Variants in C4BPB observed in about 807,000 individuals in gnomAD.
C4BPB encodes the protein complement component 4 binding protein beta, also known as C4b-binding protein beta chain.
A neutral mutation model predicts 26.6 loss-of-function variants in C4BPB; 19 were observed. The observed-to-expected ratio is 0.71, with a 90% confidence interval of 0.50 to 1.05. The LOEUF is 1.05. C4BPB is among the 50% of genes least tolerant of loss of function. C4BPB has a pLI of 0.00. For synonymous variants in C4BPB, 118 were observed against 103.5 expected, an observed-to-expected ratio of 1.14 and a Z score of -0.85; for missense variants, 282 against 302.9, an observed-to-expected ratio of 0.93 and a Z score of 0.51.
Position 207,096,538 on chromosome 1 carries a change from TG to T in C4BPB, c.429del (p.Asn144IlefsTer14). On this transcript the variant is annotated frameshift_variant, in exon 5 of 7. Transcript: ENST00000367078. LOFTEE classifies it high-confidence loss of function. ...ICKSRDCDPP[G>X]NPVHGYFEGN... ...TTCTCTCAGGGGACTGTGACCCTCC[TG>T]GGAATCCAGTTCATGGCTATTTTGA... 6.2e-7 allele frequency: 1 copy of T among 1,607,382 alleles called. No homozygotes were observed. Among genetic ancestry groups the T allele is most frequent in the Non-Finnish European group, 8.5e-7 (1 of 1,174,422 alleles).
chr1:207,098,000 C>T (rs1378011282), intron 5 of C4BPB, 150 bp from the exon 6 acceptor site: 4 of 635,680 alleles, frequency 6.3e-6, no homozygotes, highest in Non-Finnish European at 8.3e-6. Context: ...CTTTGTAATA[C>T]CGAGATAACT....
At chr1:207,092,911 C>T (rs1170639374) in intron 4 of C4BPB, among the ~76,000 whole-genome samples, 3 of 152,074 alleles carry the variant, frequency 2.0e-5, no homozygotes, top group Non-Finnish European at 4.4e-5. Flanking sequence ...AGGCGTGAGC[C>T]ACCGCACCAG....
intron 6 of C4BPB, among the ~76,000 whole-genome samples, chr1:207,099,488 G>A (rs568576188): frequency 4.6e-5 from 7 of 152,188 alleles, no homozygotes; most frequent in Non-Finnish European, 7.3e-5. Context: ...AGCACAATGC[G>A]TGAGAATTGG....
In C4BPB at chr1:207,098,247, G is replaced by C. The variant is rs779242216; in HGVS notation, c.601G>C (p.Glu201Gln). Residue 201 changes from glutamate to glutamine, a missense_variant, in exon 6 of 7, where the codon GAG becomes CAG. Transcript: ENST00000367078. ...GTTGATCCAGGAAGCTCCCAAACCAGAGTGTGAGAAGGCACTTGTAAGTAG... is the reference window on the plus strand; with the variant it reads ...GTTGATCCAGGAAGCTCCCAAACCACAGTGTGAGAAGGCACTTGTAAGTAG... ...CKLIQEAPKPECEKALLAFQE... is the reference protein window; with the variant it reads ...CKLIQEAPKPQCEKALLAFQE... 6.2e-7 allele frequency: 1 copy of C among 1,611,310 alleles called. No individual in the cohort carries two copies. The highest frequency in any genetic ancestry group is 1.1e-5 in the South Asian group (1 of 91,012).
At position 207,099,863 on chromosome 1, in the gene C4BPB, G is replaced by T. The variant is rs1414788881; in HGVS notation, c.693G>T (p.Met231Ile). The change falls in exon 7 of 7, where the codon ATG (methionine) becomes ATT (isoleucine). Residue 231 changes from methionine (M) to isoleucine (I), a missense_variant. By Grantham distance (10) the Met-to-Ile change is conservative. Coordinates refer to ENST00000367078, the MANE Select transcript of C4BPB (RefSeq NM_001017365.3). ...TGCAACAATTAAAGGAAAGTGGCAT[G>T]ACAATGGAGGAGCTAAAATATTCTC... ...NFMQQLKESG[M>I]TMEELKYSLE... The T allele has an allele frequency of 6.2e-7, 1 of 1,613,980 alleles. No individual in the cohort carries two copies. The highest frequency in any genetic ancestry group is 1.7e-5 in the Admixed American group (1 of 60,012).
chr1:207,090,882 C>G (rs908314938), intron 3 of C4BPB, among the ~76,000 whole-genome samples: 2 of 152,164 alleles, frequency 1.3e-5, no homozygotes, highest in African/African-American at 4.8e-5. Flanking sequence ...ATTATCCACA[C>G]ATGATAATCT....
intron 2 of C4BPB, among the ~76,000 whole-genome samples, chr1:207,090,095 C>G (rs1683962760): frequency 6.6e-6 from 1 of 152,178 alleles, no homozygotes; most frequent in South Asian, 2.1e-4. Flanking sequence ...GACAGTGAAA[C>G]CCCGTCTCTG....
intron 5 of C4BPB, 71 bp downstream of exon 5, chr1:207,096,686 C>T: frequency 1.3e-6 from 1 of 794,142 alleles, no homozygotes; most frequent in Non-Finnish European, 2.1e-6. Flanking sequence ...ATAACCCAGT[C>T]TGTGTCCACC....
In C4BPB at chr1:207,089,535, T is replaced by G. The variant is rs774906117; in HGVS notation, c.4T>G (p.Phe2Val). The G allele has an allele frequency of 1.2e-6, 2 of 1,613,292 alleles. No homozygotes were observed. The highest frequency in any genetic ancestry group is 2.2e-5 in the South Asian group (2 of 91,036). Residue 2 changes from phenylalanine (F) to valine (V), a missense_variant, in exon 2 of 7, where the codon TTT becomes GTT. Coordinates refer to ENST00000367078, the MANE Select transcript of C4BPB (RefSeq NM_001017365.3). M[F>V]FWCACCLMVA... ...GGGAGAGGACTTTGATCACCAGATG[T>G]TTTTTTGGTGTGCGTGCTGTCTTAT...
In C4BPB at chr1:207,091,965, G is replaced by A. The variant is rs1367368082; in HGVS notation, c.409+145G>A. The stretch of plus-strand genomic sequence containing the variant: ...CTAGCAGACAGCCATGAAACAAGTG[G>A]AGCTCACAGAACCAAATCTCACCTC... On this transcript the variant is annotated intron_variant, in intron 4 of 6. Coordinates refer to ENST00000367078, the MANE Select transcript of C4BPB (RefSeq NM_001017365.3). The A allele has an allele frequency of 9.1e-6, 6 of 659,350 alleles. No homozygotes were observed. The African/African-American group carries it at 1.1e-4, about 12-fold the overall frequency. The allele number at this position is 659,350 out of a possible 1,614,324, so 40.8% of individuals were successfully genotyped here. A position where few individuals can be genotyped will look rare whatever the true frequency, so the allele number is the denominator to read the frequency against.
intron 1 of C4BPB, 128 bp from the exon 2 acceptor site, chr1:207,089,354 T>C (rs921744442): frequency 2.3e-5 from 13 of 574,372 alleles, no homozygotes; most frequent in African/African-American, 1.9e-4. Flanking sequence ...CTGTTCTGAT[T>C]TCCTGTCGTA....
In C4BPB at chr1:207,099,779, C is replaced by T; in HGVS notation, c.619-10C>T. ...TATGTTGTAACTTGTGAAAAATTTT[C>T]TTTCTTCAGCTTGCCTTTCAGGAGA... On this transcript the variant is annotated splice_polypyrimidine_tract_variant and intron_variant, in intron 6 of 6. Transcript: ENST00000367078. The T allele has an allele frequency of 6.2e-7, 1 of 1,606,468 alleles. No individual in the cohort carries two copies. Among genetic ancestry groups the T allele is most frequent in the Non-Finnish European group, 8.5e-7 (1 of 1,177,500 alleles).
rs769891447 is a variant in C4BPB at position 207,096,540 on chromosome 1, G to T, written c.428G>T (p.Gly143Val). Residue 143 changes from glycine to valine, a missense_variant, in exon 5 of 7, where the codon GGG becomes GTG. Physicochemically the swap from Gly to Val is moderately radical, Grantham distance 109. Transcript: ENST00000367078. ...ICKSRDCDPP[G>V]NPVHGYFEGN... is the part of the protein sequence containing the mutation. ...CTCTCAGGGGACTGTGACCCTCCTG[G>T]GAATCCAGTTCATGGCTATTTTGAA... 3 of 1,607,692 alleles carry T rather than the reference G, an allele frequency of 1.9e-6. No individual in the cohort carries two copies. Among genetic ancestry groups the T allele is most frequent in the Non-Finnish European group, 2.6e-6 (3 of 1,174,746 alleles).
intron 5 of C4BPB, chr1:207,097,940 A>G (rs1251283195): frequency 2.5e-5 from 12 of 481,060 alleles, no homozygotes; most frequent in Non-Finnish European, 4.1e-5. Context: ...GGGTTGACTC[A>G]TCACTTGGGT....
Position 207,098,914 on chromosome 1 carries a change from C to A in C4BPB, c.618+650C>A, listed in dbSNP as rs114436191. On this transcript the variant is annotated intron_variant, in intron 6 of 6. Coordinates refer to ENST00000367078, the MANE Select transcript of C4BPB (RefSeq NM_001017365.3). ...GACAGATCATCACACATTAGAATCT[C>A]ATCTGGGAATGATGAGAGACAGTGA... 8.5e-3 allele frequency among the ~76,000 whole-genome samples: 1,288 copies of A among 151,872 alleles called. 9 individuals are homozygous for A. The highest frequency in any genetic ancestry group is 0.022 in the African/African-American group (915 of 41,364).
At chr1:207,093,434 A>G (rs1684121995) in intron 4 of C4BPB, among the ~76,000 whole-genome samples, 1 of 152,220 alleles carries the variant, frequency 6.6e-6, no homozygotes. Context: ...TGAGCACAAT[A>G]TGGCAAACTG....
chr1:207,097,540 T>TAA (rs36078505), intron 5 of C4BPB, among the ~76,000 whole-genome samples: 37,676 of 115,616 alleles, frequency 0.33, 6,750 homozygotes, highest in Middle Eastern at 0.51. Context: ...TATGTTTTTC[T>TAA]AAAAAAAAAA....
chr1:207,097,821 A>C (rs1489331152), intron 5 of C4BPB: 2 of 192,128 alleles, frequency 1.0e-5, no homozygotes, highest in African/African-American at 4.7e-5. Context: ...CTTAGATGCC[A>C]GATGCCTTTT....
At chr1:207,095,488 T>G (rs1366850638) in intron 4 of C4BPB, 1 of 445,362 alleles carries the variant, frequency 2.2e-6, no homozygotes, top group East Asian at 7.1e-5. Flanking sequence ...GCACCCACGC[T>G]GGGCTAATTT....
Sources: gnomAD v4.1 joint callset for allele counts (sites outside exome capture counted in the v4.1 genomes callset) on GRCh38, gnomAD v4.1.1 for gene constraint, MANE v1.5 for transcripts, NCBI Gene and HGNC (gene_info 2026-07-23, HGNC 2026-07-21) for gene names.